ITGB8: variants seen among roughly 807,000 people sequenced by gnomAD.
ITGB8 encodes the protein integrin subunit beta 8, also known as integrin beta-8.
A neutral mutation model predicts 89.5 loss-of-function variants in ITGB8; 30 were observed. That is an observed-to-expected ratio of 0.34 (90% CI 0.25 to 0.45). The LOEUF (loss-of-function observed/expected upper bound fraction) is 0.45, where lower values mean the gene tolerates loss of function less well. Ranked by LOEUF, ITGB8 falls within the 20% of genes least tolerant of loss-of-function variation. The pLI is 1.00. For synonymous variants in ITGB8, 335 were observed against 320.4 expected, an observed-to-expected ratio of 1.05 and a Z score of -0.49; for missense variants, 836 against 933.3, an observed-to-expected ratio of 0.90 and a Z score of 1.36.
intron 8 of ITGB8, among the ~76,000 whole-genome samples, chr7:20,397,008 C>T (rs937399062): frequency 2.6e-5 from 4 of 152,118 alleles, no homozygotes; most frequent in African/African-American, 7.2e-5. Context: ...ATCTTCTAAA[C>T]TTTCATTTTG....
chr7:20,352,105 A>C (rs1171694258), intron 1 of ITGB8, among the ~76,000 whole-genome samples: 1 of 152,256 alleles, frequency 6.6e-6, no homozygotes, highest in Non-Finnish European at 1.5e-5. Context: ...GAAACAAAGC[A>C]CATGACTAAT....
intron 11 of ITGB8, among the ~76,000 whole-genome samples, chr7:20,405,607 T>G (rs576517311): frequency 6.6e-6 from 1 of 151,918 alleles, no homozygotes; most frequent in Non-Finnish European, 1.5e-5. Flanking sequence ...CGTGAGCCAC[T>G]GCGCCCGGCC....
chr7:20,331,603 G>C lies in ITGB8; in HGVS notation c.-204G>C. ...CGGGACCCGCCGTGCCGAGCCGGGA[G>C]GGCCGCAGGGGCCCTGAGATGCCGA... On this transcript the variant is annotated 5_prime_UTR_variant, in exon 1 of 14. Transcript: ENST00000222573. 2.0e-6 allele frequency: 1 copy of C among 506,334 alleles called. No individual in the cohort carries two copies. Among genetic ancestry groups the C allele is most frequent in the Non-Finnish European group, 3.2e-6 (1 of 309,476 alleles). The allele number at this position is 506,334 out of a possible 1,614,324, so 31.4% of individuals were successfully genotyped here.
chr7:20,399,140 C>A (rs1034019862), intron 9 of ITGB8, 146 bp downstream of exon 9: 17 of 783,072 alleles, frequency 2.2e-5, no homozygotes, highest in Non-Finnish European at 3.2e-5. Flanking sequence ...TTCATTGTCT[C>A]TCCTCAAAGT....
In ITGB8 at chr7:20,386,262, GGAA is replaced by G. The variant is rs1786614331; in HGVS notation, c.960+4378_960+4380del. Among the ~76,000 whole-genome samples, 5 of 135,738 alleles carry G rather than the reference GGAA, an allele frequency of 3.7e-5. No individual in the cohort carries two copies. The South Asian group carries it at 1.1e-3, about 30-fold the overall frequency. The allele number at this position is 135,738 out of a possible 152,430, so 89.0% of individuals were successfully genotyped here. On this transcript the variant is annotated intron_variant, in intron 6 of 13. Transcript: ENST00000222573. ...GAGAACATTTTTTTTTTTTTGAGAC[GGAA>G]TCTCACTGTGTCGCCCAGGCTGGAG... is the stretch of plus-strand genomic sequence containing the variant.
intron 1 of ITGB8, among the ~76,000 whole-genome samples, chr7:20,356,470 T>A (rs1341548182): frequency 1.3e-5 from 2 of 152,182 alleles, no homozygotes; most frequent in African/African-American, 4.8e-5. Flanking sequence ...TTCGTCTGAT[T>A]TTGACTGTTA....
Position 20,409,975 on chromosome 7 carries a change from A to G in ITGB8, c.2288A>G (p.Glu763Gly). The change falls in exon 14 of 14, where the codon GAA (glutamate) becomes GGA (glycine). Residue 763 changes from glutamate to glycine, a missense_variant. By Grantham distance (98) the Glu-to-Gly change is moderately conservative. This residue lies in a region of ITGB8 where 422 missense variants were observed against 416.9 expected (regional missense o/e 1.01). Coordinates refer to ENST00000222573, the MANE Select transcript of ITGB8 (RefSeq NM_002214.3). Reference sequence around the variant, plus strand: ...GATATCAGCAAATTAAATGCTCATGAAACTTTCAGGTGCAACTTCTAAAAA... The same window carrying G: ...GATATCAGCAAATTAAATGCTCATGGAACTTTCAGGTGCAACTTCTAAAAA... ...KMDISKLNAH[E>G]TFRCNF is the part of the protein sequence containing the mutation. 1 of 1,611,846 alleles carries G rather than the reference A, an allele frequency of 6.2e-7. No individual in the cohort carries two copies. Among genetic ancestry groups the G allele is most frequent in the Non-Finnish European group, 8.5e-7 (1 of 1,179,452 alleles).
At chr7:20,368,732 C>G (rs183098769) in intron 3 of ITGB8, among the ~76,000 whole-genome samples, 2 of 151,940 alleles carry the variant, frequency 1.3e-5, no homozygotes, top group Admixed American at 1.3e-4. Context: ...TTTTGTTATG[C>G]TCCTTCGTGC....
rs577130636 is a variant in ITGB8 at position 20,399,509 on chromosome 7, G to A, written c.1281+515G>A. Among the ~76,000 whole-genome samples, 3 of 150,422 alleles carry A rather than the reference G, an allele frequency of 2.0e-5. No homozygotes were observed. In the South Asian group the frequency reaches 6.3e-4, roughly 31 times the overall value. On this transcript the variant is annotated intron_variant, in intron 9 of 13. Transcript: ENST00000222573. ...CACTCATAATTATCTAAATTATCTA[G>A]AAGGAGGTAGGGAAATTTATTAAGA...
rs1784406298 is a variant in ITGB8, at chr7:20,331,782, G to A, written c.-25G>A. ...GCGTCCGGAAGGCAGTCAGGCGGCG[G>A]GCGCGGGGCGGGCTGTTTTGCATTA... On this transcript the variant is annotated 5_prime_UTR_variant, in exon 1 of 14. Transcript: ENST00000222573. The A allele has an allele frequency of 7.5e-6, 12 of 1,603,898 alleles. No homozygotes were observed. Among genetic ancestry groups the A allele is most frequent in the Non-Finnish European group, 1.0e-5 (12 of 1,175,504 alleles).
intron 1 of ITGB8, among the ~76,000 whole-genome samples, chr7:20,347,111 T>TCGC (rs1784952216): frequency 6.6e-6 from 1 of 152,188 alleles, no homozygotes; most frequent in Admixed American, 6.5e-5. Context: ...GAAGGCTCCC[T>TCGC]CGCCATACCA....
At chr7:20,380,606 G>A (rs1315207231) in intron 4 of ITGB8, 60 bp from the exon 5 acceptor site, 13 of 1,354,806 alleles carry the variant, frequency 9.6e-6, no homozygotes, top group Middle Eastern at 2.2e-4. Context: ...TTACTGTTAA[G>A]TATTCCAGAA....
At chr7:20,374,129 G>A (rs889405176) in intron 3 of ITGB8, among the ~76,000 whole-genome samples, 8 of 152,270 alleles carry the variant, frequency 5.3e-5, no homozygotes, top group East Asian at 1.9e-4. Context: ...ATAAGTGGTG[G>A]CAGGAAGATT....
At position 20,391,472 on chromosome 7, in the gene ITGB8, C is replaced by G; in HGVS notation, c.1030C>G (p.Gln344Glu). The change falls in exon 7 of 14, where the codon CAA becomes GAA. Residue 344 changes from glutamine (Q) to glutamate (E), a missense_variant. Gln to Glu is a conservative substitution (Grantham distance 29, BLOSUM62 2). Coordinates refer to ENST00000222573, the MANE Select transcript of ITGB8 (RefSeq NM_002214.3). ...CAACATTAATGTCATCTTTGCAGTT[C>G]AAGGAAAACAATTTCATTGGTATAA... Reference protein sequence around the residue: ...DNNINVIFAVQGKQFHWYKDL... With the variant: ...DNNINVIFAVEGKQFHWYKDL... 2 of 1,594,598 alleles carry G rather than the reference C, an allele frequency of 1.3e-6. No individual in the cohort carries two copies. The highest frequency in any genetic ancestry group is 1.7e-6 in the Non-Finnish European group (2 of 1,168,562).
chr7:20,411,953 G>C lies in ITGB8; in HGVS notation c.*1956G>C, dbSNP rs574710964. On this transcript the variant is annotated 3_prime_UTR_variant, in exon 14 of 14. Coordinates refer to ENST00000222573, the MANE Select transcript of ITGB8 (RefSeq NM_002214.3). ...GGACTTAGTCTGATTTTATTGGCTAGGAGTCTAACAGTCCTGTGTGGATAT... is the reference window on the plus strand; with the variant it reads ...GGACTTAGTCTGATTTTATTGGCTACGAGTCTAACAGTCCTGTGTGGATAT... 6.5e-6 allele frequency: 1 copy of C among 152,698 alleles called. No homozygotes were observed. Among genetic ancestry groups the C allele is most frequent in the Non-Finnish European group, 1.5e-5 (1 of 68,030 alleles). 9.5% of individuals were successfully genotyped at this position (152,698 alleles called of 1,614,324 possible). A position where few individuals can be genotyped will look rare whatever the true frequency, so the allele number is the denominator to read the frequency against.
In ITGB8 at chr7:20,386,467, C is replaced by A. The variant is rs141383426; in HGVS notation, c.960+4582C>A. On this transcript the variant is annotated intron_variant, in intron 6 of 13. Transcript: ENST00000222573. ...TAGAGACGGGGTTTCACTGTGTTAGCCAGGCTGGTCTAAATCTCCTGACCT... is the reference window on the plus strand; with the variant it reads ...TAGAGACGGGGTTTCACTGTGTTAGACAGGCTGGTCTAAATCTCCTGACCT... 7.6e-3 allele frequency among the ~76,000 whole-genome samples: 1,031 copies of A among 136,512 alleles called. 8 individuals carry two copies. The highest frequency in any genetic ancestry group is 8.9e-3 in the Non-Finnish European group (588 of 65,976). The allele number at this position is 136,512 out of a possible 152,430, so 89.6% of individuals were successfully genotyped here.
In ITGB8 at chr7:20,367,202, A is replaced by C; in HGVS notation, c.388+16A>C. The C allele has an allele frequency of 1.3e-6, 2 of 1,563,248 alleles. No individual in the cohort carries two copies. Among genetic ancestry groups the C allele is most frequent in the Non-Finnish European group, 1.7e-6 (2 of 1,142,922 alleles). On this transcript the variant is annotated intron_variant, in intron 3 of 13. Coordinates refer to ENST00000222573, the MANE Select transcript of ITGB8 (RefSeq NM_002214.3). ...CTGCGTCCAGGTTTGGTCATTTTCA[A>C]ATAAATCTATAATGATTCTTAACTT...
intron 2 of ITGB8, chr7:20,365,767 G>A (rs191050427): frequency 2.0e-5 from 3 of 152,172 alleles, no homozygotes; most frequent in Admixed American, 6.5e-5. Context: ...CTGACCTGAC[G>A]TCATTGAGAG....
intron 11 of ITGB8, 60 bp downstream of exon 11, chr7:20,404,913 C>A: frequency 7.0e-7 from 1 of 1,418,878 alleles, no homozygotes; most frequent in Non-Finnish European, 1.0e-6. Flanking sequence ...CTTTTTCGTT[C>A]TGACTTCCTT....
Sources: gnomAD v4.1 joint callset for allele counts (sites outside exome capture counted in the v4.1 genomes callset) on GRCh38, gnomAD v4.1.1 for gene constraint, gnomAD v4.1.1 regional missense constraint, MANE v1.5 for transcripts, NCBI Gene and HGNC (gene_info 2026-07-23, HGNC 2026-07-21) for gene names.